Variants in SRGAP3 observed in about 807,000 individuals in gnomAD.
SRGAP3 encodes SLIT-ROBO Rho GTPase-activating protein 3.
A neutral mutation model predicts 121.1 loss-of-function variants in SRGAP3; 39 were observed. The ratio of observed to expected loss-of-function variants is 0.32; its 90% confidence interval spans 0.25 to 0.42. SRGAP3 has a LOEUF of 0.42. Ranked by LOEUF, SRGAP3 falls within the 10% of genes least tolerant of loss-of-function variation. The pLI, the probability that SRGAP3 is intolerant of heterozygous loss-of-function variation, is 1.00. For missense variants in SRGAP3, 1,213 were observed against 1,470.6 expected (o/e 0.82, Z 2.86); for synonymous variants, 601 against 570.0 (o/e 1.05, Z -0.77).
Position 9,236,306 on chromosome 3 carries a change from C to T in SRGAP3, c.67+12579G>A, listed in dbSNP as rs1044610535. On this transcript the variant is annotated intron_variant, in intron 1 of 21. Transcript: ENST00000383836. ...AAGTTGAAACTTCATTGTAAGTTTC[C>T]ACAGTGCCTGGTTCTACCACTGTCC... 3.5e-5 allele frequency: 6 copies of T among 169,488 alleles called. No homozygotes were observed. The East Asian group carries it at 6.8e-4, about 19-fold the overall frequency. The allele number at this position is 169,488 out of a possible 1,614,324, so 10.5% of individuals were successfully genotyped here.
intron 2 of SRGAP3, among the ~76,000 whole-genome samples, chr3:9,115,440 G>A (rs1444574212): frequency 6.6e-6 from 1 of 152,148 alleles, no homozygotes; most frequent in Admixed American, 6.5e-5. Flanking sequence ...GCATATCAAA[G>A]TATATGCATG....
In SRGAP3 at chr3:9,171,296, C is replaced by T. The variant is rs536101334; in HGVS notation, c.68-46379G>A. ...CTGCTCCAAGTTCAGAGGCAGCCTCCAGCGCATGGGAAGAGGGTGAGGCTG... is the reference window on the plus strand; with the variant it reads ...CTGCTCCAAGTTCAGAGGCAGCCTCTAGCGCATGGGAAGAGGGTGAGGCTG... On this transcript the variant is annotated intron_variant, in intron 1 of 21. Transcript: ENST00000383836. Among the ~76,000 whole-genome samples the T allele has an allele frequency of 1.4e-3, 211 of 152,348 alleles. 1 individual carries two copies. Among genetic ancestry groups the T allele is most frequent in the African/African-American group, 4.8e-3 (198 of 41,578 alleles).
rs551918553 is a variant in SRGAP3 at position 9,337,186 on chromosome 3, T to C, written n.215-6590A>G. On this transcript the variant is annotated intron_variant and non_coding_transcript_variant, in intron 1 of 3. Transcript: ENST00000490889. ...CTACTCAGGCCTTCAACTGGTTTTA[T>C]GAGGCCCACCCACATGAAAAGAGCA... Among the ~76,000 whole-genome samples, 9 of 152,344 alleles carry C rather than the reference T, an allele frequency of 5.9e-5. No individual in the cohort carries two copies. The South Asian group carries it at 1.9e-3, about 32-fold the overall frequency.
rs374975858 is a variant in SRGAP3, at chr3:9,064,458, G to T, written c.610C>A (p.Arg204=). The change falls in exon 5 of 22, where the codon CGG becomes AGG. Residue 204 remains arginine (R), a synonymous_variant. Coordinates refer to ENST00000383836, the MANE Select transcript of SRGAP3 (RefSeq NM_014850.4). ...CGGCGCTGGGGCCGGTCCTCGTGCC[G>T]GAGCAGGTTCATGCTGAGGTCTCCT... ...KSGDLSMNLL[R]HEDRPQRRSS... 6.8e-6 allele frequency: 11 copies of T among 1,614,226 alleles called. No homozygotes were observed. The highest frequency in any genetic ancestry group is 3.3e-4 in the Middle Eastern group (2 of 6,062).
chr3:9,275,523 C>T (rs946096258), intron 3 of SRGAP3, among the ~76,000 whole-genome samples: 4 of 152,120 alleles, frequency 2.6e-5, no homozygotes, highest in African/African-American at 7.2e-5. Flanking sequence ...ATTGTAGCTC[C>T]CATAATTCCC....
In SRGAP3 at chr3:8,993,002, C is replaced by T; in HGVS notation, c.2462G>A (p.Ser821Asn). Residue 821 changes from serine to asparagine, a missense_variant, in exon 20 of 22, where the codon AGT becomes AAT. By Grantham distance (46) the Ser-to-Asn change is conservative. Transcript: ENST00000383836. ...LSQKADSEASSGPLLDDKASS... is the reference protein window; with the variant it reads ...LSQKADSEASNGPLLDDKASS... ...GGCCTTGTCATCCAGCAATGGCCCA[C>T]TGCTGGCCTCGCTGTCAGCCTTCTG... The T allele has an allele frequency of 6.2e-7, 1 of 1,614,264 alleles. No homozygotes were observed. Among genetic ancestry groups the T allele is most frequent in the Non-Finnish European group, 8.5e-7 (1 of 1,180,048 alleles).
rs34925204 is a variant in SRGAP3, at chr3:9,265,947, C to T, written n.442+60063G>A. Among the ~76,000 whole-genome samples the T allele has an allele frequency of 5.2e-4, 79 of 152,246 alleles. 1 individual carries two copies. The Middle Eastern group carries it at 0.01, about 20-fold the overall frequency. On this transcript the variant is annotated intron_variant and non_coding_transcript_variant, in intron 3 of 3. Transcript: ENST00000490889. ...CGTATATTTATTGAGGCACTATTCA[C>T]GATAGCAAAGACTTGGAACCAACCC...
chr3:9,132,620 G>A (rs1159352103), intron 1 of SRGAP3, among the ~76,000 whole-genome samples: 9 of 151,962 alleles, frequency 5.9e-5, no homozygotes, highest in African/African-American at 1.7e-4. Flanking sequence ...ATAATATTCT[G>A]TGCTACGGAA....
chr3:8,991,594 G>A (rs991264275), intron 20 of SRGAP3, among the ~76,000 whole-genome samples: 2 of 152,172 alleles, frequency 1.3e-5, no homozygotes, highest in African/African-American at 2.4e-5. Context: ...TGTGAAGCGG[G>A]TTTAAGCAAG....
intron 2 of SRGAP3, among the ~76,000 whole-genome samples, chr3:9,328,081 C>T (rs890115497): frequency 1.3e-5 from 2 of 152,094 alleles, no homozygotes; most frequent in African/African-American, 4.8e-5. Context: ...TAATATCTGC[C>T]CTGCATAATT....
intron 3 of SRGAP3, among the ~76,000 whole-genome samples, chr3:9,271,988 C>A (rs772666664): frequency 2.6e-5 from 4 of 152,194 alleles, no homozygotes; most frequent in Admixed American, 6.5e-5. Flanking sequence ...CCACAACGAT[C>A]AAACTAAAGT....
chr3:9,343,628 A>T (rs1367793143), intron 1 of SRGAP3, among the ~76,000 whole-genome samples: 3 of 152,212 alleles, frequency 2.0e-5, no homozygotes, highest in African/African-American at 7.2e-5. Context: ...ATAGGCATAC[A>T]TCTTTATATT....
chr3:9,008,571 G>A (rs1464495025), intron 18 of SRGAP3, among the ~76,000 whole-genome samples: 2 of 152,080 alleles, frequency 1.3e-5, no homozygotes, highest in East Asian at 3.9e-4. Context: ...AGAGGGAGGG[G>A]AGAACTGGAG....
At chr3:8,993,193 CT>C in intron 19 of SRGAP3, 138 bp from the exon 20 acceptor site, 1 of 1,383,402 alleles carries the variant, frequency 7.2e-7, no homozygotes, top group Non-Finnish European at 9.9e-7. Flanking sequence ...TGCTAGGCCA[CT>C]GCCCACTGGG....
chr3:9,160,981 T>C (rs979684164), intron 1 of SRGAP3, among the ~76,000 whole-genome samples: 1 of 152,022 alleles, frequency 6.6e-6, no homozygotes, highest in African/African-American at 2.4e-5. Flanking sequence ...AACAAACACA[T>C]AAAGGAGAGG....
At chr3:9,035,520 C>A (rs939725191) in intron 11 of SRGAP3, 1 of 182,872 alleles carries the variant, frequency 5.5e-6, no homozygotes, top group African/African-American at 2.4e-5. Flanking sequence ...CTGGGTGGGG[C>A]ACAAAGTGGG....
At chr3:9,123,762 G>GTGTGTGTGTGTGTGTGTGTGTGTA (rs1182513386) in intron 2 of SRGAP3, among the ~76,000 whole-genome samples, 1 of 149,028 alleles carries the variant, frequency 6.7e-6, no homozygotes, top group Admixed American at 6.7e-5. Flanking sequence ...GTGTATGTGT[G>GTGTGTGTGTGTGTGTGTGTGTGTA]TATATATGTA....
chr3:9,113,821 G>A (rs987669671), intron 2 of SRGAP3, among the ~76,000 whole-genome samples: 3 of 152,110 alleles, frequency 2.0e-5, no homozygotes, highest in Non-Finnish European at 2.9e-5. Context: ...CTGTGAAGAG[G>A]TGCCTCCCAT....
intron 1 of SRGAP3, among the ~76,000 whole-genome samples, chr3:9,356,595 G>T (rs890555945): frequency 2.6e-5 from 4 of 151,598 alleles, no homozygotes; most frequent in African/African-American, 7.3e-5. Flanking sequence ...GGATGGTCTC[G>T]ATCTCCTGAC....
Sources: allele counts gnomAD v4.1 joint callset (sites outside exome capture counted in the v4.1 genomes callset), GRCh38; gene constraint gnomAD v4.1.1; transcripts MANE v1.5; gene names NCBI Gene and HGNC (gene_info 2026-07-23, HGNC 2026-07-21).